GPAM: variants seen among roughly 807,000 people sequenced by gnomAD.
GPAM encodes glycerol-3-phosphate acyltransferase 1, mitochondrial.
GPAM carries 56 observed loss-of-function variants against 105.0 expected under a neutral mutation model. That is an observed-to-expected ratio of 0.53 (90% CI 0.43 to 0.67). The LOEUF is 0.67. GPAM is among the 30% of genes least tolerant of loss of function. The probability of loss-of-function intolerance (pLI) is 0.00; values close to 1 mark genes in which losing one functional copy is unlikely to be tolerated. For synonymous variants in GPAM, 368 were observed against 354.4 expected (o/e 1.04, Z -0.43); for missense variants, 855 against 989.8 (o/e 0.86, Z 1.83).
chr10:112,172,295 T>C lies in GPAM; in HGVS notation c.681A>G (p.Leu227=). Reference sequence around the variant, plus strand: ...AGTCAATATGGGATCTATGAACTGGTAGAAACAGAAGCGGCAAATTCGTCT... The same window carrying C: ...AGTCAATATGGGATCTATGAACTGGCAGAAACAGAAGCGGCAAATTCGTCT... The part of the protein sequence containing the change: ...ATETNLPLLF[L]PVHRSHIDYL... Residue 227 remains leucine, a synonymous_variant, in exon 9 of 22, where the codon CTA becomes CTG. Transcript: ENST00000348367. The C allele has an allele frequency of 6.2e-7, 1 of 1,613,020 alleles. No individual in the cohort carries two copies. The highest frequency in any genetic ancestry group is 1.1e-5 in the South Asian group (1 of 91,050).
intron 1 of GPAM, among the ~76,000 whole-genome samples, chr10:112,210,065 C>T (rs570099557): frequency 6.6e-6 from 1 of 152,342 alleles, no homozygotes; most frequent in Non-Finnish European, 1.5e-5. Flanking sequence ...CAGCCTGACA[C>T]GCAGGGTCCC....
At chr10:112,193,436 C>T (rs1221436279) in intron 1 of GPAM, among the ~76,000 whole-genome samples, 1 of 152,160 alleles carries the variant, frequency 6.6e-6, no homozygotes, top group Non-Finnish European at 1.5e-5. Context: ...AATAAGTTTG[C>T]AAGGAGGCAT....
intron 16 of GPAM, 26 bp from the exon 17 acceptor site, chr10:112,160,079 G>A (rs946641007): frequency 1.2e-6 from 2 of 1,612,960 alleles, no homozygotes; most frequent in African/African-American, 1.3e-5. Context: ...CAACAATGAA[G>A]TTGCCAGCTC....
At chr10:112,221,324 G>C in the GPAM span, among the ~76,000 whole-genome samples, 1 of 152,122 alleles carries the variant, frequency 6.6e-6, no homozygotes, top group African/African-American at 2.4e-5. Context: ...TAAGTAGACT[G>C]TGAGAGCCAA....
At chr10:112,191,547 G>A (rs1214499676) in intron 1 of GPAM, among the ~76,000 whole-genome samples, 5 of 152,128 alleles carry the variant, frequency 3.3e-5, no homozygotes, top group Admixed American at 6.5e-5. Context: ...GGGAATAAAA[G>A]GTATTTTTCC....
intron 18 of GPAM, 146 bp from the exon 19 acceptor site, chr10:112,157,535 T>C: frequency 1.3e-6 from 1 of 746,180 alleles, no homozygotes; most frequent in Admixed American, 2.1e-5. Context: ...CCACTTCCCT[T>C]CCAAACTCAA....
rs918065788 is a variant in GPAM, at chr10:112,153,399, A to G, written c.*151T>C. The G allele has an allele frequency of 2.5e-6, 4 of 1,581,156 alleles. No homozygotes were observed. The highest frequency in any genetic ancestry group is 3.4e-6 in the Non-Finnish European group (4 of 1,169,454). On this transcript the variant is annotated 3_prime_UTR_variant, in exon 22 of 22. Coordinates refer to ENST00000348367, the MANE Select transcript of GPAM (RefSeq NM_001244949.2). The stretch of plus-strand genomic sequence containing the variant: ...GCAGAGCTGGGAAGATCACAGATCC[A>G]TGGAGGGAGAAGGCACTTGTCTTCC...
intron 1 of GPAM, among the ~76,000 whole-genome samples, chr10:112,198,571 A>C (rs1407186936): frequency 2.6e-5 from 4 of 152,184 alleles, no homozygotes; most frequent in African/African-American, 7.2e-5. Context: ...CCAGATTAAG[A>C]ATCAGTGTTT....
intron 1 of GPAM, among the ~76,000 whole-genome samples, chr10:112,200,895 T>G (rs982995594): frequency 2.0e-5 from 3 of 152,126 alleles, no homozygotes; most frequent in Admixed American, 2.0e-4. Flanking sequence ...GGTAAAATAT[T>G]TTTATGGGGC....
intron 1 of GPAM, among the ~76,000 whole-genome samples, chr10:112,191,571 C>T (rs746125440): frequency 1.3e-5 from 2 of 152,194 alleles, no homozygotes; most frequent in Non-Finnish European, 2.9e-5. Context: ...CTCCCAGGAG[C>T]ATAGCCAGGC....
In GPAM at chr10:112,158,381, A is replaced by G. The variant is rs1847056562; in HGVS notation, c.1915T>C (p.Phe639Leu). 6.3e-7 allele frequency: 1 copy of G among 1,598,404 alleles called. No individual in the cohort carries two copies. The highest frequency in any genetic ancestry group is 8.6e-7 in the Non-Finnish European group (1 of 1,165,636). Residue 639 changes from phenylalanine to leucine, a missense_variant, in exon 18 of 22, where the codon TTT becomes CTT. Coordinates refer to ENST00000348367, the MANE Select transcript of GPAM (RefSeq NM_001244949.2). ...ACTGTTTCATGGCAGACTTGGTAAA[A>G]TGTCTGGCAAGGCTGAAAAGAAAAT... is the stretch of plus-strand genomic sequence containing the variant. ...EGTISLPCQT[F>L]YQVCHETVGK... is the part of the protein sequence containing the mutation.
intron 19 of GPAM, 120 bp downstream of exon 19, chr10:112,157,129 C>A: frequency 2.2e-6 from 2 of 891,496 alleles, no homozygotes; most frequent in Admixed American, 3.4e-5. Flanking sequence ...ACAGAAGGTA[C>A]CAGAGCTAGT....
intron 11 of GPAM, among the ~76,000 whole-genome samples, chr10:112,166,777 G>A (rs193230038): frequency 1.7e-4 from 26 of 152,290 alleles, no homozygotes; most frequent in African/African-American, 6.0e-4. Context: ...TTAGTATCAT[G>A]TTCACACAAT....
intron 1 of GPAM, among the ~76,000 whole-genome samples, chr10:112,210,143 A>T (rs1847895450): frequency 6.6e-6 from 1 of 152,224 alleles, no homozygotes; most frequent in Non-Finnish European, 1.5e-5. Context: ...AGCAAGGCTG[A>T]AGTTCTGGGA....
intron 1 of GPAM, among the ~76,000 whole-genome samples, chr10:112,199,088 A>AGTGTGTGT (rs1564689388): frequency 2.2e-5 from 2 of 88,948 alleles, no homozygotes; most frequent in African/African-American, 4.1e-5. Context: ...ACGCCTGGCT[A>AGTGTGTGT]ATGTGTGTGT....
chr10:112,168,397 G>C lies in GPAM; in HGVS notation c.1022C>G (p.Thr341Ser). 2 of 1,608,984 alleles carry C rather than the reference G, an allele frequency of 1.2e-6. No homozygotes were observed. Among genetic ancestry groups the C allele is most frequent in the Non-Finnish European group, 1.7e-6 (2 of 1,175,336 alleles). The change falls in exon 11 of 22, where the codon ACC (threonine) becomes AGC (serine). Residue 341 changes from threonine to serine, a missense_variant. Thr to Ser is a moderately conservative substitution (Grantham distance 58). Coordinates refer to ENST00000348367, the MANE Select transcript of GPAM (RefSeq NM_001244949.2). ...LLSVVVDTLS[T>S]NVIPDILIIP... ...TATCAAGATGTCTGGGATGACATTG[G>C]TAGACAGAGTATCTACCACAACTGA...
At chr10:112,218,114 C>A (rs547692470), upstream of GPAM, among the ~76,000 whole-genome samples, 13 of 152,332 alleles carry the variant, frequency 8.5e-5, no homozygotes, top group African/African-American at 2.9e-4. Context: ...GATTCCCAGA[C>A]ACAGGTGAGA....
the GPAM span, among the ~76,000 whole-genome samples, chr10:112,221,413 T>C: frequency 1.3e-5 from 2 of 152,168 alleles, no homozygotes; most frequent in African/African-American, 2.4e-5. Flanking sequence ...GACCCCTGTA[T>C]CACTAGTCTT....
chr10:112,177,247 T>A (rs1847423602), intron 5 of GPAM, among the ~76,000 whole-genome samples: 1 of 152,200 alleles, frequency 6.6e-6, no homozygotes, highest in Non-Finnish European at 1.5e-5. Context: ...AGAAGTAATA[T>A]CATAAGGGCT....
Sources: gnomAD v4.1 joint callset for allele counts (sites outside exome capture counted in the v4.1 genomes callset) on GRCh38, gnomAD v4.1.1 for gene constraint, MANE v1.5 for transcripts, NCBI Gene and HGNC (gene_info 2026-07-23, HGNC 2026-07-21) for gene names.